Variants in PRMT5 observed in about 807,000 individuals in gnomAD.
PRMT5 encodes the protein protein arginine N-methyltransferase 5.
PRMT5 carries 15 observed loss-of-function variants against 84.0 expected under a neutral mutation model. That is an observed-to-expected ratio of 0.18 (90% confidence interval 0.12 to 0.28). The LOEUF (loss-of-function observed/expected upper bound fraction) is 0.28. Ranked by LOEUF, PRMT5 falls within the 10% of genes least tolerant of loss-of-function variation. The pLI is 1.00. For missense variants in PRMT5, 486 were observed against 808.0 expected (o/e 0.60, Z 4.83); for synonymous variants, 276 against 292.4 (o/e 0.94, Z 0.57).
chr14:22,925,819 CAAAAA>C (rs780242733), intron 7 of PRMT5, among the ~76,000 whole-genome samples: 1 of 134,682 alleles, frequency 7.4e-6, no homozygotes, highest in Admixed American at 7.5e-5. Context: ...GACCCTGTCT[CAAAAA>C]AAAAAAGAAA....
Position 22,922,230 on chromosome 14 carries a change from T to C in PRMT5, c.1707A>G (p.Pro569=). ...AGAACATCCCAGGAGAGTGAGTCTC[T>C]GGACGGATACCTGTGTGGACAAAAT... is the stretch of plus-strand genomic sequence containing the variant. ...LYQDITLSIR[P]ETHSPGMFSW... Residue 569 remains proline, a synonymous_variant, in exon 16 of 17, where the codon CCA becomes CCG. Coordinates refer to ENST00000324366, the MANE Select transcript of PRMT5 (RefSeq NM_006109.5). The C allele has an allele frequency of 6.3e-7, 1 of 1,597,456 alleles. No homozygotes were observed. Among genetic ancestry groups the C allele is most frequent in the Non-Finnish European group, 8.6e-7 (1 of 1,164,766 alleles).
chr14:22,928,840 G>T lies in PRMT5; in HGVS notation c.111-225C>A, dbSNP rs1456524470. On this transcript the variant is annotated intron_variant, in intron 1 of 16. Coordinates refer to ENST00000324366, the MANE Select transcript of PRMT5 (RefSeq NM_006109.5). This position sits in a 1 kb window ranked among gnomAD's most constrained non-coding sequence, Gnocchi z 4.8. ...TGGGACATATGAGTAAGGAGAAAAT[G>T]ATGGATATCCACAAGTAGAATTTTT... Among the ~76,000 whole-genome samples, 1 of 152,150 alleles carries T rather than the reference G, an allele frequency of 6.6e-6. No homozygotes were observed. The highest frequency in any genetic ancestry group is 2.4e-5 in the African/African-American group (1 of 41,424).
chr14:22,929,376 T>C lies in PRMT5; in HGVS notation c.-15A>G. 1 of 1,600,416 alleles carries C rather than the reference T, an allele frequency of 6.2e-7. No homozygotes were observed. The highest frequency in any genetic ancestry group is 8.5e-7 in the Non-Finnish European group (1 of 1,175,336). On this transcript the variant is annotated 5_prime_UTR_variant, in exon 1 of 17. Transcript: ENST00000324366. ...ATCGCCGCCATCTTTCTCCTCGCGC[T>C]GTCCACGCCGGGATTCCTTGATACT...
Position 22,927,514 on chromosome 14 carries a change from C to T in PRMT5, c.450+12G>A, listed in dbSNP as rs1044244040. 2 of 1,613,674 alleles carry T rather than the reference C, an allele frequency of 1.2e-6. No individual in the cohort carries two copies. The highest frequency in any genetic ancestry group is 1.7e-6 in the Non-Finnish European group (2 of 1,179,932). On this transcript the variant is annotated intron_variant, in intron 4 of 16. Coordinates refer to ENST00000324366, the MANE Select transcript of PRMT5 (RefSeq NM_006109.5). ...TATGATATGCAGCAGGAAAGGAGCCCCTCAGCTATACCATGGAAGAGTGAT... is the reference window on the plus strand; with the variant it reads ...TATGATATGCAGCAGGAAAGGAGCCTCTCAGCTATACCATGGAAGAGTGAT...
chr14:22,928,129 C>A lies in PRMT5; in HGVS notation c.312G>T (p.Glu104Asp). 1 of 1,613,966 alleles carries A rather than the reference C, an allele frequency of 6.2e-7. No homozygotes were observed. Among genetic ancestry groups the A allele is most frequent in the Non-Finnish European group, 8.5e-7 (1 of 1,179,914 alleles). ...SKVEKIRRNS[E>D]AAMLQELNFG... ...CAGAGAAGTCAAACAGTCTTACCGC[C>A]TCGGAGTTCCTGCGAATCTTCTCCA... Residue 104 changes from glutamate to aspartate, a missense_variant, in exon 3 of 17, where the codon GAG becomes GAT. By Grantham distance (45) the Glu-to-Asp change is conservative. Around this residue, in one of 4 missense-constraint regions of PRMT5, gnomAD observed 215 missense variants for 301.1 expected, o/e 0.71. Coordinates refer to ENST00000324366, the MANE Select transcript of PRMT5 (RefSeq NM_006109.5). This position sits in a 1 kb window ranked among gnomAD's most constrained non-coding sequence, Gnocchi z 4.8.
chr14:22,928,736 T>G lies in PRMT5; in HGVS notation c.111-121A>C, dbSNP rs1007793181. 1.2e-6 allele frequency: 1 copy of G among 837,444 alleles called. No individual in the cohort carries two copies. Among genetic ancestry groups the G allele is most frequent in the African/African-American group, 1.7e-5 (1 of 60,324 alleles). 51.9% of individuals were successfully genotyped at this position (837,444 alleles called of 1,614,324 possible). A position where few individuals can be genotyped will look rare whatever the true frequency, so the allele number is the denominator to read the frequency against. On this transcript the variant is annotated intron_variant, in intron 1 of 16. Transcript: ENST00000324366. This position sits in a 1 kb window ranked among gnomAD's most constrained non-coding sequence, Gnocchi z 4.8. ...TTCAGCTGCCATCAGTTCAGCCTAC[T>G]AGGCTGCTGAGTTCAGACCACCTTG...
Position 22,923,865 on chromosome 14 carries a change from G to A in PRMT5, c.1375+143C>T, listed in dbSNP as rs2044358670. 3.4e-6 allele frequency: 3 copies of A among 893,254 alleles called. No individual in the cohort carries two copies. The highest frequency in any genetic ancestry group is 5.0e-6 in the Non-Finnish European group (3 of 598,166). The allele number at this position is 893,254 out of a possible 1,614,324, so 55.3% of individuals were successfully genotyped here. A position where few individuals can be genotyped will look rare whatever the true frequency, so the allele number is the denominator to read the frequency against. On this transcript the variant is annotated intron_variant, in intron 12 of 16. Transcript: ENST00000324366. This position sits in a 1 kb window ranked among gnomAD's most constrained non-coding sequence, Gnocchi z 5.2. Reference sequence around the variant, plus strand: ...GGAGAGATGACTTCATTTGCTAGGGGCACAGAGGCAGTGAAGCAGTGGCTC... The same window carrying A: ...GGAGAGATGACTTCATTTGCTAGGGACACAGAGGCAGTGAAGCAGTGGCTC...
chr14:22,925,436 C>A (rs899071928), intron 7 of PRMT5, among the ~76,000 whole-genome samples: 1 of 151,866 alleles, frequency 6.6e-6, no homozygotes, highest in Non-Finnish European at 1.5e-5. Flanking sequence ...GGATTACAGG[C>A]GCGAGCCACT....
At position 22,923,164 on chromosome 14, in the gene PRMT5, C is replaced by T. The variant is rs2044342748; in HGVS notation, c.1376-4G>A. On this transcript the variant is annotated splice_polypyrimidine_tract_variant and splice_region_variant and intron_variant, in intron 12 of 16. Transcript: ENST00000324366. The surrounding 1 kb of genome is among the most constrained non-coding windows in gnomAD (Gnocchi z 5.2). ...CCGGGGATGCTCACACCATCATCTG[C>T]ACAGCAGGAGAGTCAAATTAGTTCC... 1.9e-6 allele frequency: 3 copies of T among 1,595,004 alleles called. No homozygotes were observed. The highest frequency in any genetic ancestry group is 2.6e-6 in the Non-Finnish European group (3 of 1,167,148).
At chr14:22,927,088 T>C (rs2044437306) in intron 4 of PRMT5, among the ~76,000 whole-genome samples, 1 of 149,972 alleles carries the variant, frequency 6.7e-6, no homozygotes, top group South Asian at 2.1e-4. Flanking sequence ...ACTGACCTTT[T>C]TTTTTTTTTT....
chr14:22,920,950 G>A lies in PRMT5; in HGVS notation c.1868C>T (p.Ser623Phe). The change falls in exon 17 of 17, where the codon TCT (serine) becomes TTT (phenylalanine). Residue 623 changes from serine (S) to phenylalanine (F), a missense_variant. Transcript: ENST00000324366. The stretch of plus-strand genomic sequence containing the variant: ...GCGGCCTGTGGGGTTATGAATAGCA[G>A]AACAGACTGGTGCTGTCACAGCCCA... ...YEWAVTAPVCSAIHNPTGRSY... is the reference protein window; with the variant it reads ...YEWAVTAPVCFAIHNPTGRSY... 6.2e-7 allele frequency: 1 copy of A among 1,614,228 alleles called. No individual in the cohort carries two copies. The highest frequency in any genetic ancestry group is 8.5e-7 in the Non-Finnish European group (1 of 1,180,044).
chr14:22,921,274 C>T (rs1401096226), intron 16 of PRMT5, among the ~76,000 whole-genome samples: 1 of 152,086 alleles, frequency 6.6e-6, no homozygotes, highest in East Asian at 1.9e-4. Context: ...GAACACTAAC[C>T]TAGTCTAGGA....
At chr14:22,929,188 A>G in intron 1 of PRMT5, 64 bp downstream of exon 1, 1 of 1,613,848 alleles carries the variant, frequency 6.2e-7, no homozygotes, top group Non-Finnish European at 8.5e-7. Context: ...CGGGATGACT[A>G]GTCTGCCCTT....
chr14:22,922,402 C>T (rs898646432), intron 15 of PRMT5, 41 bp downstream of exon 15: 1 of 1,531,280 alleles, frequency 6.5e-7, no homozygotes, highest in African/African-American at 1.4e-5. Flanking sequence ...GCCCAGGAAG[C>T]ACACCCTCAT....
In PRMT5 at chr14:22,926,694, A is replaced by T; in HGVS notation, c.563+8T>A. On this transcript the variant is annotated splice_region_variant and intron_variant, in intron 5 of 16. Transcript: ENST00000324366. Reference sequence around the variant, plus strand: ...TGCACCCTGGTACAGCAGCAAAGGGAGACATACCACATCCACGTTTTCTCC... The same window carrying T: ...TGCACCCTGGTACAGCAGCAAAGGGTGACATACCACATCCACGTTTTCTCC... 6.2e-7 allele frequency: 1 copy of T among 1,611,620 alleles called. No homozygotes were observed. The highest frequency in any genetic ancestry group is 8.5e-7 in the Non-Finnish European group (1 of 1,177,698).
At chr14:22,922,057 G>C (rs2044311371) in intron 16 of PRMT5, 119 bp downstream of exon 16, 1 of 921,986 alleles carries the variant, frequency 1.1e-6, no homozygotes, top group Admixed American at 2.0e-5. Flanking sequence ...GGATCCAAGA[G>C]CATATGAAAT....
At position 22,927,361 on chromosome 14, in the gene PRMT5, A is replaced by G. The variant is rs556527751; in HGVS notation, c.450+165T>C. 2.0e-5 allele frequency among the ~76,000 whole-genome samples: 3 copies of G among 152,056 alleles called. No individual in the cohort carries two copies. In the South Asian group the frequency reaches 6.2e-4, roughly 32 times the overall value. Reference sequence around the variant, plus strand: ...CTGAGCTCAGTGATCTGCCCACCTCAGCCTCCCAAAGTGCTGGGATTACAG... The same window carrying G: ...CTGAGCTCAGTGATCTGCCCACCTCGGCCTCCCAAAGTGCTGGGATTACAG... On this transcript the variant is annotated intron_variant, in intron 4 of 16. Transcript: ENST00000324366.
At chr14:22,927,691 G>A (rs2044454847) in intron 3 of PRMT5, 31 bp from the exon 4 acceptor site, 1 of 1,579,186 alleles carries the variant, frequency 6.3e-7, no homozygotes, top group East Asian at 2.3e-5. Context: ...AAAAGTTTGA[G>A]CTAACAAGCA....
intron 5 of PRMT5, 64 bp downstream of exon 5, chr14:22,926,638 T>C: frequency 6.2e-7 from 1 of 1,602,302 alleles, no homozygotes; most frequent in Non-Finnish European, 8.6e-7. Flanking sequence ...CCCTACAGGT[T>C]GCACCCTGTA....
Sources: gnomAD v4.1 joint callset for allele counts (sites outside exome capture counted in the v4.1 genomes callset) on GRCh38, gnomAD v4.1.1 for gene constraint, gnomAD v4.1.1 regional missense constraint, Gnocchi (gnomAD v3.1) non-coding constraint, MANE v1.5 for transcripts, NCBI Gene and HGNC (gene_info 2026-07-23, HGNC 2026-07-21) for gene names.